PAN3: variants seen among roughly 807,000 people sequenced by gnomAD.
The protein encoded by PAN3 is poly(A) specific ribonuclease subunit PAN3, also known as PAN2-PAN3 deadenylation complex subunit PAN3.
A neutral mutation model predicts 96.2 loss-of-function variants in PAN3; 19 were observed. The observed-to-expected ratio is 0.20, with a 90% CI of 0.14 to 0.29. The LOEUF (loss-of-function observed/expected upper bound fraction) is 0.29. Ranked by LOEUF, PAN3 falls within the 10% of genes least tolerant of loss-of-function variation. PAN3 has a pLI of 1.00. For synonymous variants in PAN3, 433 were observed against 406.6 expected (o/e 1.06, Z -0.78); for missense variants, 882 against 1,108.1 (o/e 0.80, Z 2.90).
Position 28,292,453 on chromosome 13 carries a change from C to T in PAN3, c.2595C>T (p.Tyr865=), listed in dbSNP as rs762340910. 1 of 1,612,760 alleles carries T rather than the reference C, an allele frequency of 6.2e-7. No homozygotes were observed. The highest frequency in any genetic ancestry group is 1.1e-5 in the South Asian group (1 of 90,782). ...RDEKSVLVVT[Y]SDLKRCFENT... ...AGAAGAGTGTACTTGTGGTGACCTA[C>T]AGTGACTTAAAGCGCTGCTTTGAAA... is the stretch of plus-strand genomic sequence containing the variant. Residue 865 remains tyrosine, a synonymous_variant, in exon 19 of 19, where the codon TAC becomes TAT. Coordinates refer to ENST00000380958, the MANE Select transcript of PAN3 (RefSeq NM_175854.8).
At chr13:28,185,762 A>C (rs1197811806) in intron 4 of PAN3, among the ~76,000 whole-genome samples, 1 of 152,184 alleles carries the variant, frequency 6.6e-6, no homozygotes, top group Admixed American at 6.5e-5. Flanking sequence ...TTGAGTTCTT[A>C]TACACAGTAA....
chr13:28,226,677 A>G (rs1021412372), intron 6 of PAN3, among the ~76,000 whole-genome samples: 13 of 152,222 alleles, frequency 8.5e-5, no homozygotes, highest in African/African-American at 2.7e-4. Context: ...AAGAACTTCT[A>G]AAAACTGCAA....
At chr13:28,213,029 AAAAAC>A (rs1186162443) in intron 5 of PAN3, among the ~76,000 whole-genome samples, 1 of 152,190 alleles carries the variant, frequency 6.6e-6, no homozygotes, top group Non-Finnish European at 1.5e-5. Flanking sequence ...AGCCATACCA[AAAAAC>A]AAAACAAAAC....
chr13:28,272,416 A>C (rs1476954143), intron 14 of PAN3: 1 of 171,766 alleles, frequency 5.8e-6, no homozygotes, highest in Admixed American at 6.3e-5. Context: ...ACAGATGTGC[A>C]CTACTGTGTC....
chr13:28,190,938 T>C (rs1877179647), intron 4 of PAN3, among the ~76,000 whole-genome samples: 1 of 152,212 alleles, frequency 6.6e-6, no homozygotes. Context: ...AAGCTGGTTA[T>C]CAATAGGATG....
chr13:28,248,668 G>A lies in PAN3; in HGVS notation c.1001-7624G>A, dbSNP rs537366693. Among the ~76,000 whole-genome samples the A allele has an allele frequency of 2.2e-4, 33 of 152,212 alleles. 1 individual carries two copies. The South Asian group carries it at 5.0e-3, about 23-fold the overall frequency. On this transcript the variant is annotated intron_variant, in intron 6 of 18. Transcript: ENST00000380958. Reference sequence around the variant, plus strand: ...GCCTCCTGAGTAGCTGGGACTACAGGCGCATACCACCATACCCTAATTTTT... The same window carrying A: ...GCCTCCTGAGTAGCTGGGACTACAGACGCATACCACCATACCCTAATTTTT...
intron 7 of PAN3, among the ~76,000 whole-genome samples, chr13:28,259,081 A>G (rs769080537): frequency 6.6e-6 from 1 of 151,936 alleles, no homozygotes; most frequent in East Asian, 1.9e-4. Flanking sequence ...TATCTTCTCA[A>G]TGGAGCTTAA....
At chr13:28,238,825 A>G (rs1243229612) in intron 6 of PAN3, among the ~76,000 whole-genome samples, 1 of 152,068 alleles carries the variant, frequency 6.6e-6, no homozygotes, top group Non-Finnish European at 1.5e-5. Flanking sequence ...AGTGTATTAT[A>G]GATAAAACCA....
In PAN3 at chr13:28,252,154, CTGGGATTATATG is replaced by C. The variant is rs576987406; in HGVS notation, c.1001-4135_1001-4124del. 2.1e-3 allele frequency among the ~76,000 whole-genome samples: 307 copies of C among 146,202 alleles called. 1 individual carries two copies. The highest frequency in any genetic ancestry group is 7.4e-3 in the African/African-American group (292 of 39,196). On this transcript the variant is annotated intron_variant, in intron 6 of 18. Coordinates refer to ENST00000380958, the MANE Select transcript of PAN3 (RefSeq NM_175854.8). ...CTGCCTGCCTCAGCCTCCCAAAGTG[CTGGGATTATATG>C]TGTGAGCCACTGCGACGGGCCCTTT...
At chr13:28,266,225 G>A (rs1886163529) in intron 9 of PAN3, among the ~76,000 whole-genome samples, 1 of 152,142 alleles carries the variant, frequency 6.6e-6, no homozygotes, top group Non-Finnish European at 1.5e-5. Context: ...TGTACTACAT[G>A]TTGGGTTATC....
intron 4 of PAN3, among the ~76,000 whole-genome samples, chr13:28,187,132 GCCTGGGCAA>G (rs2138171063): frequency 6.6e-6 from 1 of 152,054 alleles, no homozygotes; most frequent in Admixed American, 6.5e-5. Flanking sequence ...TTTGAGACCA[GCCTGGGCAA>G]CATGGCGAAA....
intron 1 of PAN3, among the ~76,000 whole-genome samples, chr13:28,165,712 A>G (rs1267337664): frequency 6.6e-6 from 1 of 152,104 alleles, no homozygotes; most frequent in African/African-American, 2.4e-5. Flanking sequence ...ACAGAAATTT[A>G]TTTCTCAGAG....
intron 2 of PAN3, among the ~76,000 whole-genome samples, chr13:28,176,254 T>C (rs939692765): frequency 6.6e-6 from 1 of 152,168 alleles, no homozygotes; most frequent in Non-Finnish European, 1.5e-5. Context: ...GGAAGCACAA[T>C]TCAAAATAGG....
At chr13:28,222,800 G>A (rs938947152) in intron 6 of PAN3, among the ~76,000 whole-genome samples, 8 of 152,046 alleles carry the variant, frequency 5.3e-5, no homozygotes, top group Non-Finnish European at 1.2e-4. Flanking sequence ...GTAACTCATT[G>A]ATTTTAGTTA....
At chr13:28,155,417 C>T (rs1325393958) in intron 1 of PAN3, among the ~76,000 whole-genome samples, 1 of 151,730 alleles carries the variant, frequency 6.6e-6, no homozygotes, top group East Asian at 2.0e-4. Flanking sequence ...TGGTGAAACC[C>T]GTCTCTACCA....
intron 9 of PAN3, among the ~76,000 whole-genome samples, chr13:28,264,919 A>T (rs1886033122): frequency 6.6e-6 from 1 of 152,206 alleles, no homozygotes; most frequent in African/African-American, 2.4e-5. Flanking sequence ...TGTACTTCTT[A>T]AATGGCGACT....
At chr13:28,213,550 G>A (rs990110941) in intron 5 of PAN3, among the ~76,000 whole-genome samples, 1 of 152,068 alleles carries the variant, frequency 6.6e-6, no homozygotes, top group African/African-American at 2.4e-5. Context: ...TTCAAACGAG[G>A]TGGGCAGTTT....
chr13:28,221,241 A>G (rs1881373536), intron 6 of PAN3, among the ~76,000 whole-genome samples: 1 of 152,156 alleles, frequency 6.6e-6, no homozygotes, highest in Non-Finnish European at 1.5e-5. Context: ...AATTCATAGT[A>G]AGTGCTGAGC....
chr13:28,155,594 AAAAT>A (rs979774705), intron 1 of PAN3, among the ~76,000 whole-genome samples: 8 of 152,166 alleles, frequency 5.3e-5, no homozygotes, highest in African/African-American at 1.9e-4. Flanking sequence ...ATCTCGAAAA[AAAAT>A]AAAAATTAAA....
Sources: allele counts gnomAD v4.1 joint callset (sites outside exome capture counted in the v4.1 genomes callset), GRCh38; gene constraint gnomAD v4.1.1; transcripts MANE v1.5; gene names NCBI Gene and HGNC (gene_info 2026-07-23, HGNC 2026-07-21).